Variants in STK32B observed in about 807,000 individuals in gnomAD.
STK32B encodes serine/threonine kinase 32B, also known as serine/threonine-protein kinase 32B.
STK32B carries 43 observed loss-of-function variants against 52.6 expected under a neutral mutation model. The ratio of observed to expected loss-of-function variants is 0.82; its 90% CI spans 0.64 to 1.05. The LOEUF (loss-of-function observed/expected upper bound fraction) is 1.05, where lower values mean the gene tolerates loss of function less well. Among genes scored for constraint, STK32B ranks in the 50% least tolerant of loss-of-function variants. STK32B has a pLI of 0.00. For synonymous variants in STK32B, 238 were observed against 204.3 expected, an observed-to-expected ratio of 1.17 and a Z score of -1.41; for missense variants, 621 against 534.6, an observed-to-expected ratio of 1.16 and a Z score of -1.59.
At chr4:5,438,947 G>A (rs568135346) in intron 6 of STK32B, among the ~76,000 whole-genome samples, 146 of 151,734 alleles carry the variant, frequency 9.6e-4, no homozygotes, top group African/African-American at 3.3e-3. Flanking sequence ...ATTTTTTATG[G>A]CTGCATAGTA....
intron 3 of STK32B, among the ~76,000 whole-genome samples, chr4:5,234,739 C>G (rs1724512610): frequency 6.6e-6 from 1 of 152,224 alleles, no homozygotes; most frequent in Non-Finnish European, 1.5e-5. Flanking sequence ...AGAGGATATT[C>G]CTATCATCTT....
intron 6 of STK32B, among the ~76,000 whole-genome samples, chr4:5,422,715 C>T (rs78904846): frequency 6.6e-6 from 1 of 152,092 alleles, no homozygotes; most frequent in Non-Finnish European, 1.5e-5. Context: ...CTCTCCCAGT[C>T]CTCACACAGA....
chr4:5,297,762 C>T (rs562546191), intron 3 of STK32B, among the ~76,000 whole-genome samples: 72 of 151,982 alleles, frequency 4.7e-4, no homozygotes, highest in African/African-American at 1.6e-3. Context: ...TTATTACCCA[C>T]CTTCTGAAGC....
At position 5,386,987 on chromosome 4, in the gene STK32B, C is replaced by T. The variant is rs984562775; in HGVS notation, c.435-11220C>T. On this transcript the variant is annotated intron_variant, in intron 4 of 11. Transcript: ENST00000282908. This position sits in a 1 kb window ranked among gnomAD's most constrained non-coding sequence, Gnocchi z 4.5. ...CTCACAGGCCCAGCCACTTGGAGCC[C>T]GCTGGGAAGGCTGGATCCAGGAGGA... Among the ~76,000 whole-genome samples, 5 of 152,162 alleles carry T rather than the reference C, an allele frequency of 3.3e-5. No homozygotes were observed. The highest frequency in any genetic ancestry group is 1.2e-4 in the African/African-American group (5 of 41,432).
intron 1 of STK32B, 121 bp downstream of exon 1, chr4:5,052,036 C>T (rs2108750622): frequency 1.4e-6 from 2 of 1,435,658 alleles, no homozygotes; most frequent in South Asian, 1.2e-5. Flanking sequence ...ATGGCCACTT[C>T]GCCCAGCGAA....
At chr4:5,338,748 A>T (rs1187634751) in intron 4 of STK32B, among the ~76,000 whole-genome samples, 2 of 151,828 alleles carry the variant, frequency 1.3e-5, no homozygotes, top group African/African-American at 4.8e-5. Flanking sequence ...CCTCTGGTAG[A>T]GGTCATCTGC....
At chr4:5,193,846 C>T (rs775301102) in intron 3 of STK32B, among the ~76,000 whole-genome samples, 24 of 152,334 alleles carry the variant, frequency 1.6e-4, no homozygotes, top group Non-Finnish European at 3.2e-4. Flanking sequence ...TGAAAGCTTA[C>T]AGAGACTGCT....
intron 4 of STK32B, among the ~76,000 whole-genome samples, chr4:5,343,432 G>A (rs533006883): frequency 1.3e-5 from 2 of 152,230 alleles, no homozygotes; most frequent in East Asian, 1.9e-4. Context: ...TGTCTTTATA[G>A]TAGCATGATT....
At chr4:5,195,672 CAG>C (rs1491001660) in intron 3 of STK32B, among the ~76,000 whole-genome samples, 2 of 152,158 alleles carry the variant, frequency 1.3e-5, no homozygotes, top group African/African-American at 4.8e-5. Flanking sequence ...AGCCTGGCGA[CAG>C]AGTGAGACTC....
At chr4:5,199,022 G>A (rs1721917718) in intron 3 of STK32B, among the ~76,000 whole-genome samples, 1 of 152,068 alleles carries the variant, frequency 6.6e-6, no homozygotes, top group African/African-American at 2.4e-5. Flanking sequence ...GGTCTGTACT[G>A]AAGGTAATGA....
chr4:5,073,354 T>G (rs2108768902), intron 1 of STK32B, among the ~76,000 whole-genome samples: 1 of 152,174 alleles, frequency 6.6e-6, no homozygotes, highest in South Asian at 2.1e-4. Context: ...TATCACAGCC[T>G]TACTTGCATT....
chr4:5,358,705 A>G lies in STK32B; in HGVS notation c.434+27312A>G, dbSNP rs62297290. Among the ~76,000 whole-genome samples the G allele has an allele frequency of 2.7e-3, 398 of 146,400 alleles. 2 individuals carry two copies. The highest frequency in any genetic ancestry group is 4.3e-3 in the Non-Finnish European group (290 of 67,556). ...CCAGGACACATTCACACACATGCAC[A>G]CACACACACACACACACAGGCACAC... On this transcript the variant is annotated intron_variant, in intron 4 of 11. Coordinates refer to ENST00000282908, the MANE Select transcript of STK32B (RefSeq NM_018401.3).
intron 3 of STK32B, among the ~76,000 whole-genome samples, chr4:5,310,011 C>G (rs1412979050): frequency 1.3e-5 from 2 of 151,880 alleles, no homozygotes; most frequent in East Asian, 1.9e-4. Context: ...ACTAAAAATA[C>G]AAAAATTAGC....
intron 2 of STK32B, among the ~76,000 whole-genome samples, chr4:5,152,792 ACAG>A (rs1717477886): frequency 2.0e-5 from 3 of 152,232 alleles, no homozygotes; most frequent in Admixed American, 1.3e-4. Flanking sequence ...CTGGGTGGAC[ACAG>A]CAGCACTGCC....
At chr4:5,240,072 CTG>C (rs1724913050) in intron 3 of STK32B, among the ~76,000 whole-genome samples, 2 of 149,342 alleles carry the variant, frequency 1.3e-5, no homozygotes, top group South Asian at 2.1e-4. Flanking sequence ...CTCTCTCTCT[CTG>C]TCTCTCTCTC....
Position 5,425,865 on chromosome 4 carries a change from A to G in STK32B, c.562+8931A>G, listed in dbSNP as rs868488128. 3.9e-5 allele frequency among the ~76,000 whole-genome samples: 6 copies of G among 152,318 alleles called. No homozygotes were observed. The Middle Eastern group carries it at 0.017, about 432-fold the overall frequency. On this transcript the variant is annotated intron_variant, in intron 6 of 11. Transcript: ENST00000282908. ...CTGCCTATTCCAGAAAGTCATATAA[A>G]TGAGATCATATTGTATACAGCCTTT...
intron 5 of STK32B, among the ~76,000 whole-genome samples, chr4:5,414,972 CAT>C (rs1331674822): frequency 8.5e-5 from 13 of 152,228 alleles, no homozygotes; most frequent in African/African-American, 2.7e-4. Context: ...CCAATGCTGA[CAT>C]GTGTCACTCT....
chr4:5,164,003 T>C (rs1718664390), intron 2 of STK32B, among the ~76,000 whole-genome samples: 1 of 152,146 alleles, frequency 6.6e-6, no homozygotes, highest in Admixed American at 6.5e-5. Context: ...GTGGACCTGG[T>C]AGGGCCGGTT....
chr4:5,245,211 C>T (rs994798066), intron 3 of STK32B, among the ~76,000 whole-genome samples: 4 of 152,072 alleles, frequency 2.6e-5, no homozygotes, highest in African/African-American at 9.7e-5. Context: ...GTGTTGGAGT[C>T]CAAGAATCTT....
Sources: gnomAD v4.1 joint callset for allele counts (sites outside exome capture counted in the v4.1 genomes callset) on GRCh38, gnomAD v4.1.1 for gene constraint, Gnocchi (gnomAD v3.1) non-coding constraint, MANE v1.5 for transcripts, NCBI Gene and HGNC (gene_info 2026-07-23, HGNC 2026-07-21) for gene names.